Variants in ITGA8 observed in about 807,000 individuals in gnomAD.
The protein encoded by ITGA8 is integrin alpha-8.
A neutral mutation model predicts 142.3 loss-of-function variants in ITGA8; 91 were observed. The ratio of observed to expected loss-of-function variants is 0.64; its 90% CI spans 0.54 to 0.76. The LOEUF is 0.76. ITGA8 is among the 30% of genes least tolerant of loss of function. ITGA8 has a pLI of 0.00. For missense variants in ITGA8, 1,406 were observed against 1,327.7 expected (o/e 1.06, Z -0.92); for synonymous variants, 505 against 485.2 (o/e 1.04, Z -0.54).
intron 25 of ITGA8, among the ~76,000 whole-genome samples, chr10:15,563,107 C>T (rs1343033262): frequency 6.6e-6 from 1 of 151,986 alleles, no homozygotes; most frequent in Admixed American, 6.6e-5. Flanking sequence ...TGCCTGCTCC[C>T]CACTCTGTCT....
intron 10 of ITGA8, among the ~76,000 whole-genome samples, chr10:15,658,162 T>C (rs1234559661): frequency 6.6e-6 from 1 of 152,172 alleles, no homozygotes; most frequent in Non-Finnish European, 1.5e-5. Flanking sequence ...GATAAACATT[T>C]TATTCTTATT....
chr10:15,528,986 C>T (rs1212459476), intron 28 of ITGA8, among the ~76,000 whole-genome samples: 1 of 142,752 alleles, frequency 7.0e-6, no homozygotes. Context: ...TTCCTTCTTT[C>T]TTTCCTTCCT....
At chr10:15,598,080 C>G (rs762501507) in intron 20 of ITGA8, among the ~76,000 whole-genome samples, 2 of 151,826 alleles carry the variant, frequency 1.3e-5, no homozygotes, top group Non-Finnish European at 2.9e-5. Flanking sequence ...CTATTCTTTT[C>G]CCATACCGCA....
chr10:15,536,872 A>T (rs1024942183), intron 27 of ITGA8, among the ~76,000 whole-genome samples: 3 of 152,168 alleles, frequency 2.0e-5, no homozygotes, highest in Non-Finnish European at 4.4e-5. Flanking sequence ...TCAGGCAATG[A>T]CACAAGCTCT....
At chr10:15,694,680 T>TATATATATAC (rs1554788577) in intron 2 of ITGA8, among the ~76,000 whole-genome samples, 1 of 128,808 alleles carries the variant, frequency 7.8e-6, no homozygotes, top group Non-Finnish European at 1.6e-5. Flanking sequence ...TTTGTCGACA[T>TATATATATAC]ATATATATAT....
Position 15,694,172 on chromosome 10 carries a change from C to A in ITGA8, c.344-6134G>T, listed in dbSNP as rs28710991. On this transcript the variant is annotated intron_variant, in intron 2 of 29. Coordinates refer to ENST00000378076, the MANE Select transcript of ITGA8 (RefSeq NM_003638.3). Reference sequence around the variant, plus strand: ...ATATATCAGATAATATATCATATATCAGATAATATATCATATATATGATAA... The same window carrying A: ...ATATATCAGATAATATATCATATATAAGATAATATATCATATATATGATAA... Among the ~76,000 whole-genome samples the A allele has an allele frequency of 3.2e-4, 44 of 137,224 alleles. 1 individual carries two copies. The highest frequency in any genetic ancestry group is 1.0e-3 in the African/African-American group (36 of 35,126). The allele number at this position is 137,224 out of a possible 152,430, so 90.0% of individuals were successfully genotyped here.
chr10:15,681,488 A>G (rs1834736347), intron 4 of ITGA8, among the ~76,000 whole-genome samples: 2 of 152,256 alleles, frequency 1.3e-5, no homozygotes, highest in African/African-American at 2.4e-5. Context: ...TACTGTGTCC[A>G]TGTAGCTTAA....
At chr10:15,624,666 C>A (rs1445734575) in intron 13 of ITGA8, among the ~76,000 whole-genome samples, 2 of 152,166 alleles carry the variant, frequency 1.3e-5, no homozygotes, top group African/African-American at 4.8e-5. Context: ...AGGAACTGCC[C>A]ATCACTGCCC....
At chr10:15,644,005 C>A (rs374880142) in intron 13 of ITGA8, 25 bp downstream of exon 13, 1 of 1,596,536 alleles carries the variant, frequency 6.3e-7, no homozygotes, top group Non-Finnish European at 8.6e-7. Context: ...TAGACTCTCA[C>A]GTGGGAAAAG....
chr10:15,588,859 G>A (rs1430587039), intron 22 of ITGA8, among the ~76,000 whole-genome samples: 1 of 152,224 alleles, frequency 6.6e-6, no homozygotes, highest in Admixed American at 6.5e-5. Flanking sequence ...AGGAACAGCA[G>A]CAAACTCTGA....
rs137889124 is a variant in ITGA8 at position 15,616,817 on chromosome 10, T to C, written c.1400-258A>G. 4.1e-4 allele frequency among the ~76,000 whole-genome samples: 63 copies of C among 152,300 alleles called. No homozygotes were observed. The East Asian group carries it at 0.011, about 28-fold the overall frequency. On this transcript the variant is annotated intron_variant, in intron 13 of 29. Transcript: ENST00000378076. ...AAGGTCAATTTCTAGAAACTCATCA[T>C]CGCATCACTTTTCCTATCCTTCAGG... is the stretch of plus-strand genomic sequence containing the variant.
In ITGA8 at chr10:15,688,011, G is replaced by T. The variant is rs1285928211; in HGVS notation, c.371C>A (p.Thr124Asn). Residue 124 changes from threonine to asparagine, a missense_variant, in exon 3 of 30, where the codon ACC (threonine) becomes AAC (asparagine). By Grantham distance (65) the Thr-to-Asn change is moderately conservative. Coordinates refer to ENST00000378076, the MANE Select transcript of ITGA8 (RefSeq NM_003638.3). The stretch of plus-strand genomic sequence containing the variant: ...GGATTTGAACTCGATAGGTTCTTTG[G>T]TTCCATTAACTCTGATCTTTCTGTT... ...TNNRKIRVNG[T>N]KEPIEFKSNQ... 3 of 1,612,702 alleles carry T rather than the reference G, an allele frequency of 1.9e-6. No homozygotes were observed. Among genetic ancestry groups the T allele is most frequent in the Non-Finnish European group, 2.5e-6 (3 of 1,178,756 alleles).
rs574434996 is a variant in ITGA8 at position 15,656,969 on chromosome 10, C to T, written c.949-1563G>A. Among the ~76,000 whole-genome samples the T allele has an allele frequency of 3.9e-3, 594 of 152,288 alleles. 1 individual carries two copies. The highest frequency in any genetic ancestry group is 0.013 in the African/African-American group (554 of 41,560). ...GGTGCCAGGTGCCAAATGCTCTTTGCAGAGAAAATGAATACATGAGTTAAC... is the reference window on the plus strand; with the variant it reads ...GGTGCCAGGTGCCAAATGCTCTTTGTAGAGAAAATGAATACATGAGTTAAC... On this transcript the variant is annotated intron_variant, in intron 10 of 29. Transcript: ENST00000378076.
intron 2 of ITGA8, among the ~76,000 whole-genome samples, chr10:15,701,328 T>C (rs1588736621): frequency 6.6e-6 from 1 of 152,188 alleles, no homozygotes; most frequent in South Asian, 2.1e-4. Context: ...TGAGTATTAG[T>C]ACATCTGTGA....
At position 15,657,762 on chromosome 10, in the gene ITGA8, A is replaced by G. The variant is rs541370969; in HGVS notation, c.948+1237T>C. Among the ~76,000 whole-genome samples, 9 of 152,222 alleles carry G rather than the reference A, an allele frequency of 5.9e-5. No homozygotes were observed. The South Asian group carries it at 1.0e-3, about 18-fold the overall frequency. Reference sequence around the variant, plus strand: ...AATTTAATTAACATGGTTAGTTTTAAATGTATTACTTCCACAGCTTTGTTC... The same window carrying G: ...AATTTAATTAACATGGTTAGTTTTAGATGTATTACTTCCACAGCTTTGTTC... On this transcript the variant is annotated intron_variant, in intron 10 of 29. Coordinates refer to ENST00000378076, the MANE Select transcript of ITGA8 (RefSeq NM_003638.3).
Position 15,530,956 on chromosome 10 carries a change from A to G in ITGA8, c.2982+94T>C, listed in dbSNP as rs1833277825. 12 of 770,214 alleles carry G rather than the reference A, an allele frequency of 1.6e-5. 1 individual carries two copies. Among genetic ancestry groups the G allele is most frequent in the South Asian group, 3.7e-5 (2 of 54,294 alleles). 47.7% of individuals were successfully genotyped at this position (770,214 alleles called of 1,614,324 possible). ...GAAGAGGAAAATTTTTCTCAAGTCA[A>G]TGTAAACACTAAAGCCTAGCACAAG... On this transcript the variant is annotated intron_variant, in intron 28 of 29. Coordinates refer to ENST00000378076, the MANE Select transcript of ITGA8 (RefSeq NM_003638.3).
rs1342539510 is a variant in ITGA8 at position 15,569,258 on chromosome 10, G to A, written c.2637+2953C>T. Among the ~76,000 whole-genome samples the A allele has an allele frequency of 7.9e-5, 12 of 152,180 alleles. No homozygotes were observed. In the East Asian group the frequency reaches 9.6e-4, roughly 12 times the overall value. On this transcript the variant is annotated intron_variant, in intron 25 of 29. Transcript: ENST00000378076. ...AGCTTTAGAAAGCTGGGGAGAGAGC[G>A]CCTCTCTTACAGGCCCACGGTGGCC... is the stretch of plus-strand genomic sequence containing the variant.
intron 23 of ITGA8, among the ~76,000 whole-genome samples, chr10:15,581,357 C>T (rs542578596): frequency 7.2e-5 from 11 of 152,340 alleles, no homozygotes; most frequent in African/African-American, 2.6e-4. Flanking sequence ...TCCCTTAACT[C>T]CACAGGGGAG....
intron 4 of ITGA8, among the ~76,000 whole-genome samples, chr10:15,682,985 C>A (rs1441386092): frequency 1.3e-5 from 2 of 151,432 alleles, no homozygotes; most frequent in Non-Finnish European, 2.9e-5. Flanking sequence ...TGATCATTAT[C>A]TTCCCTACAT....
Sources: gnomAD v4.1 joint callset for allele counts (sites outside exome capture counted in the v4.1 genomes callset) on GRCh38, gnomAD v4.1.1 for gene constraint, MANE v1.5 for transcripts, NCBI Gene and HGNC (gene_info 2026-07-23, HGNC 2026-07-21) for gene names.